Variants in SRSF1 observed in about 807,000 individuals in gnomAD.
SRSF1 encodes the protein serine/arginine-rich splicing factor 1.
Under a neutral mutation model 25.9 loss-of-function variants are expected in SRSF1, and 1 was observed. The observed-to-expected ratio is 0.04, with a 90% confidence interval of 0.01 to 0.18. SRSF1 has a LOEUF of 0.18. Ranked by LOEUF, SRSF1 falls within the 10% of genes least tolerant of loss-of-function variation. SRSF1 has a pLI of 1.00. For missense variants in SRSF1, 65 were observed against 350.5 expected (o/e 0.19, Z 6.50); for synonymous variants, 132 against 126.2 (o/e 1.05, Z -0.31).
At chr17:57,999,153 T>A (rs1379673003), downstream of SRSF1, among the ~76,000 whole-genome samples, 1 of 152,220 alleles carries the variant, frequency 6.6e-6, no homozygotes, top group Non-Finnish European at 1.5e-5. Flanking sequence ...ACAGCTAAGC[T>A]GACACATAAG....
chr17:58,003,210 A>G lies in SRSF1; in HGVS notation c.*2196T>C, dbSNP rs2075404656. 6.6e-6 allele frequency: 1 copy of G among 152,202 alleles called. No individual in the cohort carries two copies. Among genetic ancestry groups the G allele is most frequent in the Non-Finnish European group, 1.5e-5 (1 of 68,032 alleles). 9.4% of individuals were successfully genotyped at this position (152,202 alleles called of 1,614,324 possible). On this transcript the variant is annotated 3_prime_UTR_variant, in exon 4 of 4. Coordinates refer to ENST00000258962, the MANE Select transcript of SRSF1 (RefSeq NM_006924.5). ...GCATCTATAGTTTTTTAACCACTTT[A>G]TAACAAAGTAGAGAAGCTTATCTTT...
chr17:57,992,496 AT>A, the SRSF1 span: 1 of 152,262 alleles, frequency 6.6e-6, no homozygotes, highest in East Asian at 1.9e-4. Flanking sequence ...ATTAAAAAAA[AT>A]AAAAAAATAA....
rs1046108964 is a variant in SRSF1, at chr17:58,006,608, CA to C, written c.195-82del. 2.1e-6 allele frequency: 3 copies of C among 1,454,048 alleles called. No individual in the cohort carries two copies. The African/African-American group carries it at 4.3e-5, about 21-fold the overall frequency. 90.1% of individuals were successfully genotyped at this position (1,454,048 alleles called of 1,614,324 possible). ...CAGTTGGGAACCAGCAAACCCCCCG[CA>C]CATGCGCACCCAACGTGGAAGAGCC... On this transcript the variant is annotated intron_variant, in intron 1 of 3. Coordinates refer to ENST00000258962, the MANE Select transcript of SRSF1 (RefSeq NM_006924.5).
downstream of SRSF1, among the ~76,000 whole-genome samples, chr17:57,996,398 C>T (rs192183670): frequency 6.0e-4 from 87 of 144,612 alleles, no homozygotes; most frequent in Non-Finnish European, 3.3e-4. Flanking sequence ...GCAGGAGAAT[C>T]GCTTGAACCC....
At chr17:57,991,748 C>T in the SRSF1 span, 1 of 151,746 alleles carries the variant, frequency 6.6e-6, no homozygotes, top group Non-Finnish European at 1.5e-5. Context: ...AGCCATTTGC[C>T]TTTTGCCTTT....
In SRSF1 at chr17:58,006,425, G is replaced by A. The variant is rs376063569; in HGVS notation, c.297C>T (p.Gly99=). Residue 99 remains glycine, a synonymous_variant, in exon 2 of 4, where the codon GGC becomes GGT. Coordinates refer to ENST00000258962, the MANE Select transcript of SRSF1 (RefSeq NM_006924.5). ...GAGCTCCGCCACCTCCACCCCCGCC[G>A]CCGCCTCGGCCTGTTCCACGGCCGC... The part of the protein sequence containing the change: ...PRSGRGTGRG[G]GGGGGGGAPR... 60 of 1,410,796 alleles carry A rather than the reference G, an allele frequency of 4.3e-5. No individual in the cohort carries two copies. The highest frequency in any genetic ancestry group is 5.6e-5 in the Non-Finnish European group (58 of 1,040,712). 87.4% of individuals were successfully genotyped at this position (1,410,796 alleles called of 1,614,324 possible).
At chr17:57,992,487 T>C in the SRSF1 span, 13,059 of 151,626 alleles carry the variant, frequency 0.086, 694 homozygotes, top group African/African-American at 0.16. Context: ...AAATAAAAAA[T>C]TAAAAAAAAT....
the SRSF1 span, chr17:57,990,588 A>G: frequency 6.6e-6 from 1 of 152,168 alleles, no homozygotes; most frequent in South Asian, 2.1e-4. Flanking sequence ...TAGGACAGAA[A>G]ATTTCTCTAA....
downstream of SRSF1, among the ~76,000 whole-genome samples, chr17:57,999,977 A>T (rs2075379963): frequency 6.6e-6 from 1 of 152,116 alleles, no homozygotes. Flanking sequence ...GCTTACCTAA[A>T]CAGTAAACTT....
chr17:58,007,114 A>C lies in SRSF1; in HGVS notation c.24T>G (p.Arg8=). The change falls in exon 1 of 4, where the codon CGT becomes CGG. Residue 8 remains arginine (R), a synonymous_variant. Coordinates refer to ENST00000258962, the MANE Select transcript of SRSF1 (RefSeq NM_006924.5). ...GGCAATCGTTGTTCCCTGCGGGGCCACGAATCACACCACCTCCCGACATGG... is the reference window on the plus strand; with the variant it reads ...GGCAATCGTTGTTCCCTGCGGGGCCCCGAATCACACCACCTCCCGACATGG... MSGGGVI[R]GPAGNNDCRI... The C allele has an allele frequency of 6.2e-7, 1 of 1,614,172 alleles. No individual in the cohort carries two copies. Among genetic ancestry groups the C allele is most frequent in the South Asian group, 1.1e-5 (1 of 91,090 alleles).
At chr17:57,997,127 G>A (rs1446776476), downstream of SRSF1, among the ~76,000 whole-genome samples, 2 of 152,124 alleles carry the variant, frequency 1.3e-5, no homozygotes, top group East Asian at 3.8e-4. Context: ...ATCAATTCTT[G>A]GTGATCTGTA....
the SRSF1 span, chr17:57,989,466 TA>T: frequency 1.0e-5 from 4 of 397,552 alleles, no homozygotes; most frequent in African/African-American, 8.2e-5. Context: ...CCCCTCCATT[TA>T]TCCCCCTCCA....
intron 1 of SRSF1, 43 bp from the exon 2 acceptor site, chr17:58,006,570 G>C: frequency 6.4e-7 from 1 of 1,568,648 alleles, no homozygotes. Context: ...AACACCAGGA[G>C]GAGAAGCTCG....
At chr17:57,998,437 G>A, downstream of SRSF1, among the ~76,000 whole-genome samples, 1 of 152,116 alleles carries the variant, frequency 6.6e-6, no homozygotes, top group Non-Finnish European at 1.5e-5. Context: ...CTAATACACA[G>A]CACCTGAGGG....
At chr17:58,006,026 A>C (rs2075424495) in intron 2 of SRSF1, 53 bp from the exon 3 acceptor site, 1 of 1,547,900 alleles carries the variant, frequency 6.5e-7, no homozygotes, top group Non-Finnish European at 8.8e-7. Flanking sequence ...ATTTCACGTT[A>C]AGCTGGTAAG....
downstream of SRSF1, among the ~76,000 whole-genome samples, chr17:57,996,105 T>A (rs938307610): frequency 6.6e-6 from 1 of 152,210 alleles, no homozygotes; most frequent in Non-Finnish European, 1.5e-5. Context: ...AAGATTTCAA[T>A]AATGTATTTA....
rs1302115318 is a variant in SRSF1 at position 58,004,183 on chromosome 17, CAT to C, written c.*1221_*1222del. 6.6e-6 allele frequency: 1 copy of C among 152,606 alleles called. No individual in the cohort carries two copies. The highest frequency in any genetic ancestry group is 1.5e-5 in the Non-Finnish European group (1 of 68,032). 9.5% of individuals were successfully genotyped at this position (152,606 alleles called of 1,614,324 possible). On this transcript the variant is annotated 3_prime_UTR_variant, in exon 4 of 4. Coordinates refer to ENST00000258962, the MANE Select transcript of SRSF1 (RefSeq NM_006924.5). The stretch of plus-strand genomic sequence containing the variant: ...AGATAAATTTTAGAAACTTAATCAT[CAT>C]AGAGACTAATTGGAAGAAGCATTTT...
In SRSF1 at chr17:58,001,078, A is replaced by G. The variant is rs1452059968; in HGVS notation, c.*4328T>C. 6.6e-6 allele frequency among the ~76,000 whole-genome samples: 1 copy of G among 152,218 alleles called. No homozygotes were observed. On this transcript the variant is annotated 3_prime_UTR_variant, in exon 4 of 4. Coordinates refer to ENST00000258962, the MANE Select transcript of SRSF1 (RefSeq NM_006924.5). ...AATGGTTATGTTACAACAGAACTTC[A>G]GTCTAACAGTTTCTCATCTTTTAAT...
the SRSF1 span, chr17:57,992,560 G>A: frequency 1.9e-4 from 29 of 152,046 alleles, no homozygotes; most frequent in Admixed American, 1.3e-3. Context: ...TCTTCTCCTC[G>A]GCTACAGCCT....
Sources: gnomAD v4.1 joint callset for allele counts (sites outside exome capture counted in the v4.1 genomes callset) on GRCh38, gnomAD v4.1.1 for gene constraint, MANE v1.5 for transcripts, NCBI Gene and HGNC (gene_info 2026-07-23, HGNC 2026-07-21) for gene names.